UGT1A10: variants seen among roughly 807,000 people sequenced by gnomAD.
UGT1A10 encodes UDP-glucuronosyltransferase 1A10.
A neutral mutation model predicts 45.8 loss-of-function variants in UGT1A10; 49 were observed. The ratio of observed to expected loss-of-function variants is 1.07; its 90% CI spans 0.85 to 1.36. The LOEUF is 1.36. Ranked by LOEUF, UGT1A10 falls within the 40% of genes most tolerant of loss-of-function variation. The pLI is 0.00. For missense variants in UGT1A10, 745 were observed against 668.6 expected, an observed-to-expected ratio of 1.11 and a Z score of -1.26; for synonymous variants, 284 against 249.7, an observed-to-expected ratio of 1.14 and a Z score of -1.29.
rs2073893090 is a variant in UGT1A10, at chr2:233,658,021, T to C, written c.855+20644T>C. Among the ~76,000 whole-genome samples, 5 of 89,236 alleles carry C rather than the reference T, an allele frequency of 5.6e-5. No individual in the cohort carries two copies. The South Asian group carries it at 2.2e-3, about 39-fold the overall frequency. The allele number at this position is 89,236 out of a possible 152,430, so 58.5% of individuals were successfully genotyped here. ...ATCCTGTGCCTAGTTTCCTCCTCTT[T>C]TTTTTTTTTTTTTTTGAGACAAAGT... On this transcript the variant is annotated intron_variant, in intron 1 of 4. Coordinates refer to ENST00000344644, the MANE Select transcript of UGT1A10 (RefSeq NM_019075.4).
intron 1 of UGT1A10, among the ~76,000 whole-genome samples, chr2:233,757,613 T>G (rs972874024): frequency 6.8e-6 from 1 of 146,622 alleles, no homozygotes; most frequent in Non-Finnish European, 1.5e-5. Context: ...TGCAAACTGC[T>G]AAAAGATACA....
intron 1 of UGT1A10, chr2:233,753,360 G>C (rs1270331798): frequency 6.6e-6 from 1 of 152,184 alleles, no homozygotes; most frequent in Non-Finnish European, 1.5e-5. Flanking sequence ...TATTACTTGG[G>C]TGCCATTCCA....
rs1003535917 is a variant in UGT1A10, at chr2:233,692,765, G to A, written c.855+55388G>A. On this transcript the variant is annotated intron_variant, in intron 1 of 4. Coordinates refer to ENST00000344644, the MANE Select transcript of UGT1A10 (RefSeq NM_019075.4). ...AGAAGCAGACTTGTGGAGCTGAAGA[G>A]AAACACCCAGAAGCTCAGGTGAAAG... 4 of 1,253,520 alleles carry A rather than the reference G, an allele frequency of 3.2e-6. No individual in the cohort carries two copies. The African/African-American group carries it at 6.1e-5, about 19-fold the overall frequency. The allele number at this position is 1,253,520 out of a possible 1,614,324, so 77.6% of individuals were successfully genotyped here.
chr2:233,659,589 G>T (rs1301511337), intron 1 of UGT1A10, among the ~76,000 whole-genome samples: 1 of 152,136 alleles, frequency 6.6e-6, no homozygotes, highest in African/African-American at 2.4e-5. Flanking sequence ...GGTTGGTCTT[G>T]CTTTTTCAGG....
At chr2:233,659,620 T>G (rs2073926341) in intron 1 of UGT1A10, among the ~76,000 whole-genome samples, 1 of 151,486 alleles carries the variant, frequency 6.6e-6, no homozygotes, top group African/African-American at 2.4e-5. Flanking sequence ...GAGGAAGAGG[T>G]GGAGGAGGTG....
intron 1 of UGT1A10, chr2:233,713,228 G>A (rs200357281): frequency 6.8e-6 from 11 of 1,614,092 alleles, no homozygotes; most frequent in Admixed American, 3.3e-5. Context: ...CCCTGACAAC[G>A]TATGCCATTT....
chr2:233,772,778 T>C lies in UGT1A10; in HGVS notation c.*219T>C. The C allele has an allele frequency of 5.4e-6, 7 of 1,295,644 alleles. No individual in the cohort carries two copies. The highest frequency in any genetic ancestry group is 7.1e-6 in the Non-Finnish European group (7 of 982,368). The allele number at this position is 1,295,644 out of a possible 1,614,324, so 80.3% of individuals were successfully genotyped here. On this transcript the variant is annotated 3_prime_UTR_variant, in exon 5 of 5. Coordinates refer to ENST00000344644, the MANE Select transcript of UGT1A10 (RefSeq NM_019075.4). Reference sequence around the variant, plus strand: ...ATGTATCGTGCCCCCTCTGGTGTCTTTGATCAGGATGACATGTGCCATTTT... The same window carrying C: ...ATGTATCGTGCCCCCTCTGGTGTCTCTGATCAGGATGACATGTGCCATTTT...
At chr2:233,705,688 T>C (rs947769375) in intron 1 of UGT1A10, among the ~76,000 whole-genome samples, 1 of 152,234 alleles carries the variant, frequency 6.6e-6, no homozygotes, top group Non-Finnish European at 1.5e-5. Context: ...TCACAACGAC[T>C]GGTATAAAAA....
At chr2:233,727,764 G>A (rs117456176) in intron 1 of UGT1A10, among the ~76,000 whole-genome samples, 2 of 152,186 alleles carry the variant, frequency 1.3e-5, no homozygotes, top group South Asian at 4.1e-4. Context: ...CTTGAGCTGG[G>A]TGTCCCCCAG....
intron 1 of UGT1A10, among the ~76,000 whole-genome samples, chr2:233,701,507 A>G (rs1166715177): frequency 2.0e-5 from 3 of 152,208 alleles, no homozygotes; most frequent in Non-Finnish European, 4.4e-5. Context: ...ATAGACATCT[A>G]CAGAACTCTC....
chr2:233,662,790 T>C (rs1479147136), intron 1 of UGT1A10, among the ~76,000 whole-genome samples: 1 of 150,766 alleles, frequency 6.6e-6, no homozygotes, highest in East Asian at 1.9e-4. Context: ...CTTTGGAAAC[T>C]TCTCTTCTTT....
At chr2:233,641,440 A>G (rs2073449389) in intron 1 of UGT1A10, among the ~76,000 whole-genome samples, 3 of 152,200 alleles carry the variant, frequency 2.0e-5, no homozygotes, top group Admixed American at 2.0e-4. Context: ...TGTGATTTTC[A>G]TTTATATCTT....
chr2:233,637,259 G>C lies in UGT1A10; in HGVS notation c.737G>C (p.Ser246Thr). Residue 246 changes from serine (S) to threonine (T), a missense_variant, in exon 1 of 5, where the codon AGT becomes ACT. Coordinates refer to ENST00000344644, the MANE Select transcript of UGT1A10 (RefSeq NM_019075.4). ...QTPVTAYDLYSHTSIWLLRTD... is the reference protein window; with the variant it reads ...QTPVTAYDLYTHTSIWLLRTD... Reference sequence around the variant, plus strand: ...CCTGTCACGGCATATGATCTCTACAGTCACACATCAATTTGGTTGTTGCGA... The same window carrying C: ...CCTGTCACGGCATATGATCTCTACACTCACACATCAATTTGGTTGTTGCGA... 6.2e-7 allele frequency: 1 copy of C among 1,613,926 alleles called. No individual in the cohort carries two copies.
At chr2:233,759,366 G>C (rs1046941643) in intron 1 of UGT1A10, among the ~76,000 whole-genome samples, 1 of 152,134 alleles carries the variant, frequency 6.6e-6, no homozygotes, top group Non-Finnish European at 1.5e-5. Context: ...ACTATAAAAA[G>C]GTACAGGTTT....
chr2:233,643,088 T>C lies in UGT1A10; in HGVS notation c.855+5711T>C, dbSNP rs192265690. Among the ~76,000 whole-genome samples, 193 of 152,322 alleles carry C rather than the reference T, an allele frequency of 1.3e-3. 2 individuals carry two copies. The highest frequency in any genetic ancestry group is 4.3e-3 in the South Asian group (21 of 4,828). ...ATGTTTGCTCAACGCCCTTGGGCTT[T>C]ACAATCAGCAGGTGATACAGCCAGC... On this transcript the variant is annotated intron_variant, in intron 1 of 4. Transcript: ENST00000344644.
intron 1 of UGT1A10, among the ~76,000 whole-genome samples, chr2:233,665,502 C>T (rs1024668187): frequency 6.6e-6 from 1 of 152,120 alleles, no homozygotes. Flanking sequence ...ACTTGAAATA[C>T]AGGAGGCAGA....
chr2:233,673,097 A>G (rs1217791678), intron 1 of UGT1A10, among the ~76,000 whole-genome samples: 1 of 152,190 alleles, frequency 6.6e-6, no homozygotes, highest in Non-Finnish European at 1.5e-5. Context: ...TGTTAATTCT[A>G]TATGCCCGCC....
At position 233,690,793 on chromosome 2, in the gene UGT1A10, A is replaced by C. The variant is rs2075015381; in HGVS notation, c.855+53416A>C. On this transcript the variant is annotated intron_variant, in intron 1 of 4. Transcript: ENST00000344644. ...CACACACATACACACACACACACAC[A>C]CACACACCATTCTTAGTACAGTCAA... is the stretch of plus-strand genomic sequence containing the variant. The C allele has an allele frequency of 3.5e-6, 4 of 1,142,860 alleles. No homozygotes were observed. The South Asian group carries it at 5.7e-5, about 16-fold the overall frequency. 70.8% of individuals were successfully genotyped at this position (1,142,860 alleles called of 1,614,324 possible). A position where few individuals can be genotyped will look rare whatever the true frequency, so the allele number is the denominator to read the frequency against.
chr2:233,730,126 G>T, intron 1 of UGT1A10: 1 of 1,542,516 alleles, frequency 6.5e-7, no homozygotes, highest in Non-Finnish European at 8.7e-7. Flanking sequence ...TGTCATAATA[G>T]CCTTCAGTGA....
Sources: gnomAD v4.1 joint callset for allele counts (sites outside exome capture counted in the v4.1 genomes callset) on GRCh38, gnomAD v4.1.1 for gene constraint, MANE v1.5 for transcripts, NCBI Gene and HGNC (gene_info 2026-07-23, HGNC 2026-07-21) for gene names.